GSTM1: variants seen among roughly 807,000 people sequenced by gnomAD.
GSTM1 encodes GST HB subunit 4.
A neutral mutation model predicts 17.3 loss-of-function variants in GSTM1; 6 were observed. The observed-to-expected ratio is 0.35, with a 90% confidence interval of 0.19 to 0.68. The LOEUF (loss-of-function observed/expected upper bound fraction) is 0.68, where lower values mean the gene tolerates loss of function less well. Among genes scored for constraint, GSTM1 ranks in the 30% least tolerant of loss-of-function variants. The pLI is 0.65. For synonymous variants in GSTM1, 20 were observed against 53.6 expected, an observed-to-expected ratio of 0.37 and a Z score of 2.74; for missense variants, 62 against 155.9, an observed-to-expected ratio of 0.40 and a Z score of 3.21.
At chr1:109,689,465 C>T (rs4147566) in intron 5 of GSTM1, 140 bp downstream of exon 5, 60,160 of 331,212 alleles carry the variant, frequency 0.18, 24,625 homozygotes, top group South Asian at 0.45. Context: ...GTTATTCTCA[C>T]GACTCCAATG....
intron 7 of GSTM1, among the ~76,000 whole-genome samples, chr1:109,692,058 CT>C (rs397894870): frequency 0.34 from 11,937 of 34,870 alleles, 3,970 homozygotes; most frequent in Middle Eastern, 0.43. Flanking sequence ...AGTCCTGGAT[CT>C]TTTTTTTTTT....
Position 109,688,943 on chromosome 1 carries a change from C to T in GSTM1, c.178-105C>T. 5.6e-6 allele frequency: 3 copies of T among 537,784 alleles called. 1 individual carries two copies. Among genetic ancestry groups the T allele is most frequent in the Non-Finnish European group, 9.4e-6 (3 of 319,146 alleles). 33.3% of individuals were successfully genotyped at this position (537,784 alleles called of 1,614,324 possible). On this transcript the variant is annotated intron_variant, in intron 3 of 7. Coordinates refer to ENST00000309851, the MANE Select transcript of GSTM1 (RefSeq NM_000561.4). Reference sequence around the variant, plus strand: ...ATTCTTATTTCAGTCCTGCCATGAGCAGGCACAGTGAGTGCCCGGTCTCCT... The same window carrying T: ...ATTCTTATTTCAGTCCTGCCATGAGTAGGCACAGTGAGTGCCCGGTCTCCT...
intron 7 of GSTM1, among the ~76,000 whole-genome samples, chr1:109,692,521 T>A (rs113599750): frequency 0.24 from 18,185 of 77,264 alleles, 7,202 homozygotes; most frequent in Middle Eastern, 0.36. Context: ...AAGGGGAATG[T>A]TTAGAGCCTA....
chr1:109,688,054 G>C, intron 1 of GSTM1, 116 bp from the exon 2 acceptor site: 1 of 772,274 alleles, frequency 1.3e-6, no homozygotes, highest in Non-Finnish European at 1.9e-6. Context: ...TGTGTTGGGG[G>C]TGTGGGCGGG....
In GSTM1 at chr1:109,688,866, A is replaced by C. The variant is rs2101278667; in HGVS notation, c.177+129A>C. 10 of 498,816 alleles carry C rather than the reference A, an allele frequency of 2.0e-5. 4 individuals carry two copies. Among genetic ancestry groups the C allele is most frequent in the South Asian group, 1.5e-4 (7 of 46,530 alleles). The allele number at this position is 498,816 out of a possible 1,614,324, so 30.9% of individuals were successfully genotyped here. On this transcript the variant is annotated intron_variant, in intron 3 of 7. Coordinates refer to ENST00000309851, the MANE Select transcript of GSTM1 (RefSeq NM_000561.4). ...AATTCCTCTCACTCCTGGCTGTCTA[A>C]ACAGTCCTTCCATGATGTTCTGTGT...
chr1:109,688,894 A>C (rs1310444476), intron 3 of GSTM1, 154 bp from the exon 4 acceptor site: 1 of 490,470 alleles, frequency 2.0e-6, no homozygotes, highest in African/African-American at 2.2e-5. Context: ...TTCTGTGTCC[A>C]CCTGCATTCG....
chr1:109,688,768 G>A lies in GSTM1; in HGVS notation c.177+31G>A. 1.0e-5 allele frequency: 8 copies of A among 772,816 alleles called. 4 individuals are homozygous for A. The highest frequency in any genetic ancestry group is 1.5e-5 in the Non-Finnish European group (8 of 531,972). The allele number at this position is 772,816 out of a possible 1,614,324, so 47.9% of individuals were successfully genotyped here. On this transcript the variant is annotated intron_variant, in intron 3 of 7. Coordinates refer to ENST00000309851, the MANE Select transcript of GSTM1 (RefSeq NM_000561.4). ...TGCAGGGGAAGGGGCGGTTTTGGGG[G>A]AAAGTGCAACGTGTCTCTGACTGCA...
At position 109,688,132 on chromosome 1, in the gene GSTM1, C is replaced by A; in HGVS notation, c.37-38C>A. On this transcript the variant is annotated intron_variant, in intron 1 of 7. Coordinates refer to ENST00000309851, the MANE Select transcript of GSTM1 (RefSeq NM_000561.4). Reference sequence around the variant, plus strand: ...CCTGGTGCAGACAAAGTCAGGGACCCTCCATCTCTGACGCGACCTGCGGGC... The same window carrying A: ...CCTGGTGCAGACAAAGTCAGGGACCATCCATCTCTGACGCGACCTGCGGGC... 2 of 797,516 alleles carry A rather than the reference C, an allele frequency of 2.5e-6. 1 individual carries two copies. Among genetic ancestry groups the A allele is most frequent in the Non-Finnish European group, 3.6e-6 (2 of 552,436 alleles). The allele number at this position is 797,516 out of a possible 1,614,324, so 49.4% of individuals were successfully genotyped here.
chr1:109,688,559 A>C lies in GSTM1; in HGVS notation c.113-114A>C, dbSNP rs1406431898. On this transcript the variant is annotated intron_variant, in intron 2 of 7. Transcript: ENST00000309851. Reference sequence around the variant, plus strand: ...CCCTGGGATGTGGGACTGAGTGGTCAGATTCTAGATCCACCTGTCTCAGGG... The same window carrying C: ...CCCTGGGATGTGGGACTGAGTGGTCCGATTCTAGATCCACCTGTCTCAGGG... 7.1e-5 allele frequency: 31 copies of C among 436,400 alleles called. 10 individuals carry two copies. Among genetic ancestry groups the C allele is most frequent in the African/African-American group, 5.1e-4 (22 of 43,410 alleles). 27.0% of individuals were successfully genotyped at this position (436,400 alleles called of 1,614,324 possible).
Position 109,687,868 on chromosome 1 carries a change from A to C in GSTM1, c.-6A>C, listed in dbSNP as rs370491191. On this transcript the variant is annotated 5_prime_UTR_variant, in exon 1 of 8. Transcript: ENST00000309851. Reference sequence around the variant, plus strand: ...CCTGTCTGCGGAATCCGCACCAACCAGCACCATGCCCATGATACTGGGGTA... The same window carrying C: ...CCTGTCTGCGGAATCCGCACCAACCCGCACCATGCCCATGATACTGGGGTA... 5 of 792,814 alleles carry C rather than the reference A, an allele frequency of 6.3e-6. 2 individuals are homozygous for C. Among genetic ancestry groups the C allele is most frequent in the Non-Finnish European group, 5.5e-6 (3 of 547,834 alleles). The allele number at this position is 792,814 out of a possible 1,614,324, so 49.1% of individuals were successfully genotyped here.
rs1648019050 is a variant in GSTM1 at position 109,688,669 on chromosome 1, A to G, written c.113-4A>G. 7 of 794,108 alleles carry G rather than the reference A, an allele frequency of 8.8e-6. 3 individuals are homozygous for G. Among genetic ancestry groups the G allele is most frequent in the Non-Finnish European group, 1.3e-5 (7 of 551,098 alleles). The allele number at this position is 794,108 out of a possible 1,614,324, so 49.2% of individuals were successfully genotyped here. On this transcript the variant is annotated splice_region_variant and splice_polypyrimidine_tract_variant and intron_variant, in intron 2 of 7. Transcript: ENST00000309851. ...TTGTTTTCACTTCTTCTTCCCCACC[A>G]CAGCTCCTGATTATGACAGAAGCCA... is the stretch of plus-strand genomic sequence containing the variant.
rs1402636704 is a variant in GSTM1, at chr1:109,688,715, A to T, written c.155A>T (p.Lys52Met). The change falls in exon 3 of 8, where the codon AAG becomes ATG. Residue 52 changes from lysine to methionine, a missense_variant. Lys to Met is a moderately conservative substitution (Grantham distance 95). Coordinates refer to ENST00000309851, the MANE Select transcript of GSTM1 (RefSeq NM_000561.4). ...DRSQWLNEKF[K>M]LGLDFPNLPY... Reference sequence around the variant, plus strand: ...AGCCAGTGGCTGAATGAAAAATTCAAGCTGGGCCTGGACTTTCCCAATGTA... The same window carrying T: ...AGCCAGTGGCTGAATGAAAAATTCATGCTGGGCCTGGACTTTCCCAATGTA... 1 of 794,712 alleles carries T rather than the reference A, an allele frequency of 1.3e-6. No homozygotes were observed. The highest frequency in any genetic ancestry group is 1.9e-5 in the African/African-American group (1 of 52,920). 49.2% of individuals were successfully genotyped at this position (794,712 alleles called of 1,614,324 possible).
intron 7 of GSTM1, 34 bp downstream of exon 7, chr1:109,690,598 C>T (rs1471004419): frequency 1.2e-6 from 1 of 808,838 alleles, no homozygotes. Context: ...CTTTGATGCC[C>T]CTTGTTCCGT....
chr1:109,693,283 G>C lies in GSTM1; in HGVS notation c.645G>C (p.Trp215Cys), dbSNP rs777299993. 2 of 794,676 alleles carry C rather than the reference G, an allele frequency of 2.5e-6. 1 individual carries two copies. The highest frequency in any genetic ancestry group is 3.8e-5 in the African/African-American group (2 of 52,722). 49.2% of individuals were successfully genotyped at this position (794,676 alleles called of 1,614,324 possible). A position where few individuals can be genotyped will look rare whatever the true frequency, so the allele number is the denominator to read the frequency against. Residue 215 changes from tryptophan to cysteine, a missense_variant, in exon 8 of 8, where the codon TGG becomes TGC. Physicochemically the swap from Trp to Cys is radical, Grantham distance 215. Coordinates refer to ENST00000309851, the MANE Select transcript of GSTM1 (RefSeq NM_000561.4). ...CTGTGTTCTCAAAGATGGCTGTCTG[G>C]GGCAACAAGTAGGGCCTTGAAGGCC... is the stretch of plus-strand genomic sequence containing the variant. ...PRPVFSKMAV[W>C]GNK
At position 109,692,119 on chromosome 1, in the gene GSTM1, C is replaced by T. The variant is rs192814013; in HGVS notation, c.568-1087C>T. On this transcript the variant is annotated intron_variant, in intron 7 of 7. Coordinates refer to ENST00000309851, the MANE Select transcript of GSTM1 (RefSeq NM_000561.4). ...TGTTGCCCAGGCTGGAGTGCAGTTG[C>T]GTGACCTCGGCTTACTGCAACCTCT... Among the ~76,000 whole-genome samples the T allele has an allele frequency of 4.6e-5, 3 of 64,676 alleles. 1 individual carries two copies. The highest frequency in any genetic ancestry group is 1.4e-4 in the African/African-American group (3 of 22,104). The allele number at this position is 64,676 out of a possible 152,430, so 42.4% of individuals were successfully genotyped here.
rs1257749751 is a variant in GSTM1, at chr1:109,692,348, T to G, written c.568-858T>G. ...GCTGGGATTACAGGTGTGAGCCGGA[T>G]GTTTTTGAATACCTTATCTGGGCAT... On this transcript the variant is annotated intron_variant, in intron 7 of 7. Transcript: ENST00000309851. Among the ~76,000 whole-genome samples, 4 of 79,072 alleles carry G rather than the reference T, an allele frequency of 5.1e-5. 2 individuals are homozygous for G. The highest frequency in any genetic ancestry group is 6.5e-5 in the Non-Finnish European group (2 of 30,928). The allele number at this position is 79,072 out of a possible 152,430, so 51.9% of individuals were successfully genotyped here.
rs1435712212 is a variant in GSTM1, at chr1:109,690,659, C to T, written c.567+95C>T. 1.8e-5 allele frequency: 14 copies of T among 778,190 alleles called. 6 individuals are homozygous for T. Among genetic ancestry groups the T allele is most frequent in the Non-Finnish European group, 2.4e-5 (13 of 536,176 alleles). The allele number at this position is 778,190 out of a possible 1,614,324, so 48.2% of individuals were successfully genotyped here. A position where few individuals can be genotyped will look rare whatever the true frequency, so the allele number is the denominator to read the frequency against. On this transcript the variant is annotated intron_variant, in intron 7 of 7. Coordinates refer to ENST00000309851, the MANE Select transcript of GSTM1 (RefSeq NM_000561.4). ...TCCTGGAGCTACACACAGAATAACT[C>T]GCATGTATTGAGTACTGGTTTCATG...
In GSTM1 at chr1:109,689,037, C is replaced by G. The variant is rs1383971424; in HGVS notation, c.178-11C>G. 13 of 796,552 alleles carry G rather than the reference C, an allele frequency of 1.6e-5. 6 individuals carry two copies. Among genetic ancestry groups the G allele is most frequent in the Non-Finnish European group, 2.4e-5 (13 of 552,156 alleles). 49.3% of individuals were successfully genotyped at this position (796,552 alleles called of 1,614,324 possible). A position where few individuals can be genotyped will look rare whatever the true frequency, so the allele number is the denominator to read the frequency against. On this transcript the variant is annotated splice_polypyrimidine_tract_variant and intron_variant, in intron 3 of 7. Transcript: ENST00000309851. ...GCCCAACTGAGCTTCGCCGGTTTCC[C>G]ATCCATCCAGCTGCCCTACTTGATT...
At position 109,687,834 on chromosome 1, in the gene GSTM1, C is replaced by G. The variant is rs562130267; in HGVS notation, c.-40C>G. ...GAGCTCTTATACTCTGAGCCCTGCT[C>G]GGTTTAGGCCTGTCTGCGGAATCCG... On this transcript the variant is annotated 5_prime_UTR_variant, in exon 1 of 8. Transcript: ENST00000309851. The G allele has an allele frequency of 3.1e-5, 23 of 734,404 alleles. 7 individuals are homozygous for G. The African/African-American group carries it at 3.4e-4, about 11-fold the overall frequency. 45.5% of individuals were successfully genotyped at this position (734,404 alleles called of 1,614,324 possible).
Sources: gnomAD v4.1 joint callset for allele counts (sites outside exome capture counted in the v4.1 genomes callset) on GRCh38, gnomAD v4.1.1 for gene constraint, MANE v1.5 for transcripts, NCBI Gene and HGNC (gene_info 2026-07-23, HGNC 2026-07-21) for gene names.